The following ABLIM1 variants were observed in gnomAD, a reference collection of about 807,000 sequenced individuals.
The protein encoded by ABLIM1 is actin binding LIM protein 1.
ABLIM1 carries 40 observed loss-of-function variants against 107.0 expected under a neutral mutation model. The ratio of observed to expected loss-of-function variants is 0.37; its 90% confidence interval spans 0.29 to 0.49. ABLIM1 has a LOEUF of 0.49. ABLIM1 is among the 20% of genes least tolerant of loss of function. The pLI, the probability that ABLIM1 is intolerant of heterozygous loss-of-function variation, is 0.97. For synonymous variants in ABLIM1, 357 were observed against 357.3 expected, an observed-to-expected ratio of 1.00 and a Z score of 0.01; for missense variants, 857 against 1,008.5, an observed-to-expected ratio of 0.85 and a Z score of 2.04.
At chr10:114,793,101 G>A in the ABLIM1 span, among the ~76,000 whole-genome samples, 5 of 152,236 alleles carry the variant, frequency 3.3e-5, no homozygotes, top group Admixed American at 1.3e-4. Context: ...GCAGTAAGCC[G>A]AGATCGCGCC....
At chr10:114,635,032 A>G (rs1450445924) in intron 1 of ABLIM1, among the ~76,000 whole-genome samples, 1 of 152,274 alleles carries the variant, frequency 6.6e-6, no homozygotes, top group Admixed American at 6.5e-5. Context: ...AATGAAATTT[A>G]TAGTTCATAA....
intron 1 of ABLIM1, among the ~76,000 whole-genome samples, chr10:114,628,626 C>T (rs532339825): frequency 6.6e-6 from 1 of 152,274 alleles, no homozygotes; most frequent in South Asian, 2.1e-4. Context: ...GGAAACCAAA[C>T]AACACAAACA....
chr10:114,511,031 G>A (rs1157255866), intron 6 of ABLIM1, among the ~76,000 whole-genome samples: 1 of 151,992 alleles, frequency 6.6e-6, no homozygotes, highest in Non-Finnish European at 1.5e-5. Flanking sequence ...TGTTAAGGTA[G>A]TGCCTTGAAC....
At chr10:114,529,449 T>A (rs532467885) in intron 6 of ABLIM1, among the ~76,000 whole-genome samples, 50 of 152,252 alleles carry the variant, frequency 3.3e-4, no homozygotes, top group African/African-American at 1.2e-3. Flanking sequence ...CTCTCCTATA[T>A]TTGGATGATC....
chr10:114,758,426 T>G (rs564474500), intron 1 of ABLIM1, among the ~76,000 whole-genome samples: 1 of 152,332 alleles, frequency 6.6e-6, no homozygotes, highest in South Asian at 2.1e-4. Context: ...AATGCTTAAG[T>G]GATTCAAAAT....
In ABLIM1 at chr10:114,453,463, G is replaced by A. The variant is rs777252608; in HGVS notation, c.1462C>T (p.Arg488Trp). ...HRPGNEPSSG[R>W]NSPLPYRPDS... The stretch of plus-strand genomic sequence containing the variant: ...GGCCGGTAAGGGAGAGGGGAGTTCC[G>A]GCCGCTGGACGGCTCATTGCCTCCA... The change falls in exon 13 of 23, where the codon CGG becomes TGG. Residue 488 changes from arginine (R) to tryptophan (W), a missense_variant. Around this residue, in one of 5 missense-constraint regions of ABLIM1, gnomAD observed 381 missense variants for 506.9 expected, o/e 0.75. Coordinates refer to ENST00000533213, the MANE Select transcript of ABLIM1 (RefSeq NM_002313.7). 1.0e-5 allele frequency: 16 copies of A among 1,605,790 alleles called. No individual in the cohort carries two copies. The highest frequency in any genetic ancestry group is 3.3e-5 in the South Asian group (3 of 90,448).
chr10:114,650,541 C>T (rs1238751969), intron 1 of ABLIM1, among the ~76,000 whole-genome samples: 2 of 152,122 alleles, frequency 1.3e-5, no homozygotes, highest in Admixed American at 6.6e-5. Context: ...TACTTGCCCA[C>T]ATTCCTAGGA....
chr10:114,698,564 C>A (rs1297562314), intron 1 of ABLIM1, among the ~76,000 whole-genome samples: 3 of 151,982 alleles, frequency 2.0e-5, no homozygotes, highest in Admixed American at 1.3e-4. Flanking sequence ...AATGAAAGAA[C>A]AAACTAAGTG....
In ABLIM1 at chr10:114,493,981, G is replaced by A. The variant is rs1051651563; in HGVS notation, c.895-2103C>T. On this transcript the variant is annotated intron_variant, in intron 6 of 22. Coordinates refer to ENST00000533213, the MANE Select transcript of ABLIM1 (RefSeq NM_002313.7). ...GTGAAAGAGAACAGCAATAAGGAAG[G>A]ATTTTCCCTTCCTGTCATAAAATTT... 8.5e-4 allele frequency among the ~76,000 whole-genome samples: 130 copies of A among 152,112 alleles called. 4 individuals are homozygous for A. Among genetic ancestry groups the A allele is most frequent in the Non-Finnish European group, 2.1e-4 (14 of 68,012 alleles).
chr10:114,526,508 G>T, intron 6 of ABLIM1: 6 of 362,048 alleles, frequency 1.7e-5, no homozygotes, highest in Non-Finnish European at 2.3e-5. Context: ...ATAAATGTAT[G>T]TCAGGGCAAT....
Position 114,666,488 on chromosome 10 carries a change from C to T in ABLIM1, c.64+17802G>A, listed in dbSNP as rs574395726. Among the ~76,000 whole-genome samples, 9 of 152,050 alleles carry T rather than the reference C, an allele frequency of 5.9e-5. No homozygotes were observed. In the South Asian group the frequency reaches 1.2e-3, roughly 21 times the overall value. On this transcript the variant is annotated intron_variant, in intron 1 of 23. Coordinates refer to the ABLIM1 transcript ENST00000369256. ...CAGAGGTAAGTACTAAATTTTTACT[C>T]GACGATAGATGAAACTAAAGTTAAA...
chr10:114,463,607 A>G (rs923093813), intron 12 of ABLIM1, among the ~76,000 whole-genome samples: 14 of 152,152 alleles, frequency 9.2e-5, no homozygotes, highest in African/African-American at 3.1e-4. Context: ...CCCACTGTAA[A>G]TTTAATTTGA....
At chr10:114,591,147 C>A (rs189356607) in intron 2 of ABLIM1, among the ~76,000 whole-genome samples, 1 of 152,158 alleles carries the variant, frequency 6.6e-6, no homozygotes, top group African/African-American at 2.4e-5. Context: ...CAATAGATGT[C>A]ATGGCTATAA....
the ABLIM1 span, among the ~76,000 whole-genome samples, chr10:114,787,741 T>TGGGGGCGGGGGGTCAGCCCCCAGC: frequency 7.9e-6 from 1 of 126,228 alleles, no homozygotes; most frequent in Non-Finnish European, 1.7e-5. Flanking sequence ...AGCCGCCCCG[T>TGGGGGCGGGGGGTCAGCCCCCAGC]CCGGGAGGTG....
At chr10:114,500,687 A>G (rs1590529460) in intron 6 of ABLIM1, among the ~76,000 whole-genome samples, 1 of 144,326 alleles carries the variant, frequency 6.9e-6, no homozygotes, top group African/African-American at 2.6e-5. Context: ...TCGAAAGAAA[A>G]AAAAAAAAAA....
At chr10:114,515,560 A>G (rs901380140) in intron 6 of ABLIM1, among the ~76,000 whole-genome samples, 18 of 152,266 alleles carry the variant, frequency 1.2e-4, no homozygotes, top group Non-Finnish European at 2.5e-4. Context: ...CGGCTTGGCT[A>G]TGTGAGCCTC....
intron 8 of ABLIM1, among the ~76,000 whole-genome samples, chr10:114,484,205 G>C (rs2057827954): frequency 6.6e-6 from 1 of 152,176 alleles, no homozygotes; most frequent in African/African-American, 2.4e-5. Flanking sequence ...TACCAGTAGA[G>C]TAACTCTGGA....
At chr10:114,617,354 T>C (rs2483600) in intron 1 of ABLIM1, among the ~76,000 whole-genome samples, 48,974 of 150,398 alleles carry the variant, frequency 0.33, 9,429 homozygotes, top group East Asian at 0.54. Context: ...CTCTGCCTCC[T>C]GTGTTCAAGC....
chr10:114,643,003 G>A (rs2078819954), intron 1 of ABLIM1, among the ~76,000 whole-genome samples: 1 of 152,166 alleles, frequency 6.6e-6, no homozygotes, highest in South Asian at 2.1e-4. Flanking sequence ...AGGGCAATGG[G>A]CAAACCACCA....
Sources: gnomAD v4.1 joint callset for allele counts (sites outside exome capture counted in the v4.1 genomes callset) on GRCh38, gnomAD v4.1.1 for gene constraint, gnomAD v4.1.1 regional missense constraint, MANE v1.5 for transcripts, NCBI Gene and HGNC (gene_info 2026-07-23, HGNC 2026-07-21) for gene names.